Variants in NFATC2 observed in about 807,000 individuals in gnomAD.
NFATC2 encodes nuclear factor of activated T cells 2.
NFATC2 carries 22 observed loss-of-function variants against 87.3 expected under a neutral mutation model. That is an observed-to-expected ratio of 0.25 (90% CI 0.18 to 0.36). The LOEUF is 0.36. Among genes scored for constraint, NFATC2 ranks in the 10% least tolerant of loss-of-function variants. NFATC2 has a pLI of 1.00. For missense variants in NFATC2, 1,149 were observed against 1,259.1 expected (o/e 0.91, Z 1.32); for synonymous variants, 565 against 542.2 (o/e 1.04, Z -0.58).
At chr20:51,493,470 G>A (rs1278374596) in intron 3 of NFATC2, among the ~76,000 whole-genome samples, 1 of 152,126 alleles carries the variant, frequency 6.6e-6, no homozygotes, top group Non-Finnish European at 1.5e-5. Flanking sequence ...TGATCTTCTA[G>A]GCACCTCCCA....
rs146242196 is a variant in NFATC2, at chr20:51,511,704, C to T, written c.1332+5080G>A. On this transcript the variant is annotated intron_variant, in intron 3 of 10. Coordinates refer to ENST00000371564, the MANE Select transcript of NFATC2 (RefSeq NM_012340.5). ...TAGCTTCCGCTCCCACTGCCACCTT[C>T]TAGTCCTTACCACCTTGATCTTTCC... Among the ~76,000 whole-genome samples the T allele has an allele frequency of 2.0e-5, 3 of 152,358 alleles. No homozygotes were observed. The East Asian group carries it at 5.8e-4, about 29-fold the overall frequency.
intron 2 of NFATC2, among the ~76,000 whole-genome samples, chr20:51,517,852 G>A (rs756040905): frequency 3.3e-5 from 5 of 151,690 alleles, no homozygotes; most frequent in Non-Finnish European, 7.4e-5. Flanking sequence ...GGGAGGTGGA[G>A]GTTGCAGTCA....
intron 10 of NFATC2, among the ~76,000 whole-genome samples, chr20:51,397,109 T>G (rs1473359671): frequency 6.6e-6 from 1 of 152,114 alleles, no homozygotes; most frequent in Non-Finnish European, 1.5e-5. Context: ...GCCAGGCTGG[T>G]CTCGAACTCC....
intron 8 of NFATC2, among the ~76,000 whole-genome samples, chr20:51,434,438 C>T (rs1381399633): frequency 6.6e-6 from 1 of 152,242 alleles, no homozygotes; most frequent in Non-Finnish European, 1.5e-5. Flanking sequence ...CAAGGGAGAG[C>T]TCAGAGAAGC....
chr20:51,561,397 G>GAGAA (rs1315464920), intron 1 of NFATC2, among the ~76,000 whole-genome samples: 1 of 137,450 alleles, frequency 7.3e-6, no homozygotes, highest in African/African-American at 2.9e-5. Context: ...AAGAAAGAGA[G>GAGAA]AGAAAGAAAA....
At chr20:51,506,717 C>T (rs1247593487) in intron 3 of NFATC2, among the ~76,000 whole-genome samples, 4 of 149,400 alleles carry the variant, frequency 2.7e-5, no homozygotes, top group Admixed American at 6.7e-5. Flanking sequence ...ACATCAGCCT[C>T]GGCCTGCGGA....
Position 51,390,954 on chromosome 20 carries a change from C to T in NFATC2, c.*542G>A, listed in dbSNP as rs780864649. The T allele has an allele frequency of 1.1e-5, 3 of 268,390 alleles. No homozygotes were observed. The highest frequency in any genetic ancestry group is 2.2e-5 in the Non-Finnish European group (3 of 133,660). 16.6% of individuals were successfully genotyped at this position (268,390 alleles called of 1,614,324 possible). A position where few individuals can be genotyped will look rare whatever the true frequency, so the allele number is the denominator to read the frequency against. On this transcript the variant is annotated 3_prime_UTR_variant, in exon 11 of 11. Transcript: ENST00000371564. Reference sequence around the variant, plus strand: ...CGTTCCTTTGGTTGCTCTGAGAACTCCTTGCCTTCAAAAGGTACAGGAGCT... The same window carrying T: ...CGTTCCTTTGGTTGCTCTGAGAACTTCTTGCCTTCAAAAGGTACAGGAGCT...
At chr20:51,448,644 T>A (rs1003943858) in intron 6 of NFATC2, among the ~76,000 whole-genome samples, 2 of 151,046 alleles carry the variant, frequency 1.3e-5, no homozygotes, top group Non-Finnish European at 2.9e-5. Context: ...AGAGCAAAAC[T>A]CCGTCTCAAA....
At chr20:51,397,047 A>C (rs1016935740) in intron 10 of NFATC2, among the ~76,000 whole-genome samples, 1 of 81,914 alleles carries the variant, frequency 1.2e-5, no homozygotes, top group Non-Finnish European at 2.1e-5. Context: ...ACCTGCCACC[A>C]TGGCCCGGCT....
intron 3 of NFATC2, among the ~76,000 whole-genome samples, chr20:51,495,627 T>A (rs1380273920): frequency 1.3e-5 from 2 of 152,254 alleles, no homozygotes; most frequent in Admixed American, 6.5e-5. Context: ...GCACTCATTT[T>A]TAGCAAGCAT....
chr20:51,415,192 G>C (rs1250197174), intron 9 of NFATC2, among the ~76,000 whole-genome samples: 2 of 147,852 alleles, frequency 1.4e-5, no homozygotes, highest in African/African-American at 5.0e-5. Context: ...GCTGCAGTGA[G>C]CCATGATCCT....
chr20:51,517,242 TG>T (rs376540572), intron 2 of NFATC2, among the ~76,000 whole-genome samples: 129 of 152,154 alleles, frequency 8.5e-4, no homozygotes, highest in African/African-American at 3.0e-3. Flanking sequence ...GGTAACACAA[TG>T]GGAATTATTT....
At chr20:51,456,529 T>A (rs1301287947) in intron 5 of NFATC2, among the ~76,000 whole-genome samples, 2 of 152,148 alleles carry the variant, frequency 1.3e-5, no homozygotes, top group Non-Finnish European at 2.9e-5. Context: ...GAAAACCTGC[T>A]CCAGCCACCT....
intron 9 of NFATC2, among the ~76,000 whole-genome samples, chr20:51,415,182 G>C (rs1183595236): frequency 6.7e-6 from 1 of 150,204 alleles, no homozygotes; most frequent in Non-Finnish European, 1.5e-5. Context: ...GGAGTTTGAG[G>C]CTGCAGTGAG....
At chr20:51,412,006 C>T (rs980362872) in intron 9 of NFATC2, among the ~76,000 whole-genome samples, 3 of 152,070 alleles carry the variant, frequency 2.0e-5, no homozygotes, top group Non-Finnish European at 4.4e-5. Context: ...GGTGAGCGAG[C>T]CCCTCTTTGA....
intron 1 of NFATC2, among the ~76,000 whole-genome samples, chr20:51,553,567 C>T (rs1051697330): frequency 6.7e-6 from 1 of 150,078 alleles, no homozygotes; most frequent in East Asian, 2.0e-4. Flanking sequence ...TCCAGCTACT[C>T]GGGAGGCTGA....
intron 1 of NFATC2, among the ~76,000 whole-genome samples, chr20:51,555,661 T>C (rs1183721374): frequency 2.0e-5 from 3 of 151,946 alleles, no homozygotes; most frequent in Admixed American, 6.5e-5. Flanking sequence ...CCCCTGCCCC[T>C]TCTGATCCAG....
At chr20:51,410,134 C>T (rs1367210853) in intron 9 of NFATC2, among the ~76,000 whole-genome samples, 1 of 134,874 alleles carries the variant, frequency 7.4e-6, no homozygotes, top group Non-Finnish European at 1.5e-5. Context: ...GGCGTGAACT[C>T]GGGAGGCGGA....
At chr20:51,402,589 AAAAT>A (rs374947521) in intron 9 of NFATC2, among the ~76,000 whole-genome samples, 1 of 152,270 alleles carries the variant, frequency 6.6e-6, no homozygotes, top group African/African-American at 2.4e-5. Context: ...ATGAGATAAT[AAAAT>A]AAATACCTGA....
Sources: allele counts gnomAD v4.1 joint callset (sites outside exome capture counted in the v4.1 genomes callset), GRCh38; gene constraint gnomAD v4.1.1; transcripts MANE v1.5; gene names NCBI Gene and HGNC (gene_info 2026-07-23, HGNC 2026-07-21).